Variants in FIG4 observed in about 807,000 individuals in gnomAD.
FIG4 encodes the protein FIG4 phosphoinositide 5-phosphatase, also known as polyphosphoinositide phosphatase.
FIG4 carries 112 observed loss-of-function variants against 118.6 expected under a neutral mutation model. The observed-to-expected ratio is 0.94, with a 90% CI of 0.81 to 1.11. The LOEUF is 1.11. FIG4 is among the 50% of genes least tolerant of loss of function. FIG4 has a pLI of 0.00. For missense variants in FIG4, 969 were observed against 1,111.7 expected (o/e 0.87, Z 1.83); for synonymous variants, 369 against 381.2 (o/e 0.97, Z 0.37).
At chr6:109,802,802 A>G (rs1383152402) in intron 22 of FIG4, among the ~76,000 whole-genome samples, 1 of 152,248 alleles carries the variant, frequency 6.6e-6, no homozygotes, top group Admixed American at 6.5e-5. Context: ...GCCTTGGAAA[A>G]TAGGCTTCCA....
chr6:109,814,457 T>TA (rs1212014223), intron 22 of FIG4, among the ~76,000 whole-genome samples: 1 of 149,810 alleles, frequency 6.7e-6, no homozygotes, highest in Non-Finnish European at 1.5e-5. Context: ...ATTTTTTTTT[T>TA]ATCCTTTGAG....
chr6:109,771,768 G>A (rs1777471654), intron 15 of FIG4, among the ~76,000 whole-genome samples: 1 of 152,110 alleles, frequency 6.6e-6, no homozygotes, highest in South Asian at 2.1e-4. Flanking sequence ...AATGCTTGTG[G>A]TGGCCCTGCT....
At chr6:109,756,495 T>C (rs1776907375) in intron 10 of FIG4, among the ~76,000 whole-genome samples, 2 of 152,158 alleles carry the variant, frequency 1.3e-5, no homozygotes, top group Non-Finnish European at 2.9e-5. Flanking sequence ...CCTTGCTAGA[T>C]TGGGGAAGTT....
intron 10 of FIG4, among the ~76,000 whole-genome samples, chr6:109,759,947 G>A (rs560293844): frequency 6.6e-6 from 1 of 152,296 alleles, no homozygotes; most frequent in East Asian, 1.9e-4. Context: ...GTCAGAGTCA[G>A]GTGTGGAGTG....
intron 1 of FIG4, among the ~76,000 whole-genome samples, chr6:109,696,538 A>G (rs192695809): frequency 1.3e-5 from 2 of 152,336 alleles, no homozygotes; most frequent in Admixed American, 1.3e-4. Flanking sequence ...ATATATACAC[A>G]CAATGGAATA....
Position 109,691,471 on chromosome 6 carries a change from C to G in FIG4, c.36C>G (p.Val12=), listed in dbSNP as rs749639397. The G allele has an allele frequency of 6.3e-7, 1 of 1,586,464 alleles. No homozygotes were observed. Among genetic ancestry groups the G allele is most frequent in the East Asian group, 2.3e-5 (1 of 43,434 alleles). ...PTAAAPIISS[V]QKLVLYETRA... ...CCGCCGCCCCCATCATCAGCTCGGT[C>G]CAGAAGCTGGTTCTGTATGAGACTA... The change falls in exon 1 of 23, where the codon GTC becomes GTG. Residue 12 remains valine, a synonymous_variant. Transcript: ENST00000230124.
At chr6:109,776,616 T>A (rs1313330019) in intron 15 of FIG4, among the ~76,000 whole-genome samples, 1 of 152,200 alleles carries the variant, frequency 6.6e-6, no homozygotes, top group Non-Finnish European at 1.5e-5. Flanking sequence ...AAAATTGCTA[T>A]CTAAGGTATT....
chr6:109,733,203 C>G (rs1406513986), intron 5 of FIG4, among the ~76,000 whole-genome samples: 1 of 152,026 alleles, frequency 6.6e-6, no homozygotes, highest in African/African-American at 2.4e-5. Flanking sequence ...AGCAAAAATA[C>G]AACTCTCCAT....
At chr6:109,824,752 A>G (rs1349858538) in intron 22 of FIG4, among the ~76,000 whole-genome samples, 1 of 152,164 alleles carries the variant, frequency 6.6e-6, no homozygotes, top group Non-Finnish European at 1.5e-5. Context: ...AAAAGAGCAA[A>G]AAGTCTATAC....
intron 1 of FIG4, among the ~76,000 whole-genome samples, chr6:109,696,632 A>T (rs1031651107): frequency 5.9e-5 from 9 of 152,242 alleles, no homozygotes; most frequent in African/African-American, 2.2e-4. Flanking sequence ...ATATGAAATC[A>T]GGCAGGCACA....
chr6:109,751,170 C>T (rs1195895710), intron 10 of FIG4, among the ~76,000 whole-genome samples: 2 of 152,164 alleles, frequency 1.3e-5, no homozygotes, highest in Non-Finnish European at 2.9e-5. Context: ...TTCAGTCTCA[C>T]TATTGTGAAA....
At chr6:109,704,760 A>T (rs182042464) in intron 1 of FIG4, among the ~76,000 whole-genome samples, 204 of 152,152 alleles carry the variant, frequency 1.3e-3, no homozygotes, top group Admixed American at 0.011. Flanking sequence ...TTCTAGATTA[A>T]AAGATTTAAA....
chr6:109,691,650 C>A, intron 1 of FIG4, 149 bp downstream of exon 1: 1 of 770,046 alleles, frequency 1.3e-6, no homozygotes, highest in Non-Finnish European at 2.2e-6. Flanking sequence ...GGTAAGCTAG[C>A]TCCCTTGAGC....
chr6:109,758,051 A>T (rs1211090062), intron 10 of FIG4, among the ~76,000 whole-genome samples: 1 of 152,208 alleles, frequency 6.6e-6, no homozygotes, highest in Non-Finnish European at 1.5e-5. Flanking sequence ...TAATTTATAG[A>T]TTCAGTGCTA....
intron 14 of FIG4, 36 bp from the exon 15 acceptor site, chr6:109,766,693 T>C: frequency 1.3e-6 from 2 of 1,588,554 alleles, no homozygotes; most frequent in Non-Finnish European, 1.7e-6. Flanking sequence ...GCTTTGATTT[T>C]GGTGAAATTC....
intron 1 of FIG4, among the ~76,000 whole-genome samples, chr6:109,696,226 G>A (rs1249582783): frequency 6.6e-6 from 1 of 152,004 alleles, no homozygotes; most frequent in Non-Finnish European, 1.5e-5. Flanking sequence ...TTGCTCTGAC[G>A]GGCTGTTTTC....
intron 1 of FIG4, among the ~76,000 whole-genome samples, chr6:109,701,529 A>G (rs974351997): frequency 6.6e-6 from 1 of 152,212 alleles, no homozygotes; most frequent in Non-Finnish European, 1.5e-5. Context: ...TTGGTAGCTA[A>G]ACAGAACTAG....
intron 10 of FIG4, among the ~76,000 whole-genome samples, chr6:109,757,337 A>T (rs1338318513): frequency 2.0e-5 from 3 of 152,230 alleles, no homozygotes; most frequent in African/African-American, 7.2e-5. Flanking sequence ...AACGTAATCC[A>T]TCACATAACC....
chr6:109,802,545 G>A (rs1165107174), intron 22 of FIG4, among the ~76,000 whole-genome samples: 9 of 152,208 alleles, frequency 5.9e-5, no homozygotes, highest in African/African-American at 2.2e-4. Flanking sequence ...TTTAGCATGT[G>A]TGTACCAGTT....
Sources: allele counts gnomAD v4.1 joint callset (sites outside exome capture counted in the v4.1 genomes callset), GRCh38; gene constraint gnomAD v4.1.1; transcripts MANE v1.5; gene names NCBI Gene and HGNC (gene_info 2026-07-23, HGNC 2026-07-21).